The following AP3S1 variants were observed in gnomAD, a reference collection of about 807,000 sequenced individuals.
AP3S1 encodes AP-3 complex subunit sigma-1.
A neutral mutation model predicts 21.3 loss-of-function variants in AP3S1; 12 were observed. The observed-to-expected ratio is 0.56, with a 90% CI of 0.36 to 0.91. AP3S1 has a LOEUF of 0.91. Among genes scored for constraint, AP3S1 ranks in the 40% least tolerant of loss-of-function variants. The pLI, the probability that AP3S1 is intolerant of heterozygous loss-of-function variation, is 0.01. For missense variants in AP3S1, 116 were observed against 225.0 expected (o/e 0.52, Z 3.10); for synonymous variants, 48 against 78.4 (o/e 0.61, Z 2.05).
chr5:115,884,658 C>G (rs1448550952), intron 3 of AP3S1, among the ~76,000 whole-genome samples: 2 of 152,198 alleles, frequency 1.3e-5, no homozygotes, highest in Non-Finnish European at 2.9e-5. Flanking sequence ...GTTAAGTATT[C>G]TTACAATACC....
At chr5:115,899,338 A>G (rs1308982599) in intron 4 of AP3S1, among the ~76,000 whole-genome samples, 2 of 152,240 alleles carry the variant, frequency 1.3e-5, no homozygotes, top group East Asian at 3.8e-4. Flanking sequence ...GCCAATAGAA[A>G]GAAAGCACTG....
intron 3 of AP3S1, among the ~76,000 whole-genome samples, chr5:115,891,260 C>T (rs1447013528): frequency 1.3e-5 from 2 of 152,134 alleles, no homozygotes; most frequent in Admixed American, 1.3e-4. Context: ...TCTACTTCCA[C>T]AGTCACTCAG....
chr5:115,864,806 A>G (rs1763489236), intron 1 of AP3S1, among the ~76,000 whole-genome samples: 1 of 152,226 alleles, frequency 6.6e-6, no homozygotes, highest in African/African-American at 2.4e-5. Flanking sequence ...GATGGAGATG[A>G]GTGCTTCTGA....
intron 1 of AP3S1, among the ~76,000 whole-genome samples, chr5:115,850,346 A>G (rs1483711729): frequency 6.6e-6 from 1 of 152,232 alleles, no homozygotes; most frequent in Non-Finnish European, 1.5e-5. Flanking sequence ...TATAAAATAA[A>G]TTTTATTGTA....
chr5:115,845,874 A>AAAAAAAAAAAAAG (rs1762023843), intron 1 of AP3S1, among the ~76,000 whole-genome samples: 1 of 138,180 alleles, frequency 7.2e-6, no homozygotes, highest in African/African-American at 2.7e-5. Flanking sequence ...AAAAAAAAAA[A>AAAAAAAAAAAAAG]TTCAAGTCTG....
chr5:115,844,296 G>A (rs573973622), intron 1 of AP3S1, among the ~76,000 whole-genome samples: 1 of 152,076 alleles, frequency 6.6e-6, no homozygotes, highest in Non-Finnish European at 1.5e-5. Flanking sequence ...TCTTGTGTGA[G>A]GAACATAGCA....
intron 3 of AP3S1, among the ~76,000 whole-genome samples, chr5:115,886,041 G>A (rs1223394907): frequency 1.3e-5 from 2 of 152,104 alleles, no homozygotes; most frequent in African/African-American, 4.8e-5. Flanking sequence ...TGTTGTTGAT[G>A]TGGGTTCTGG....
chr5:115,866,270 C>G (rs1763609677), intron 1 of AP3S1, among the ~76,000 whole-genome samples: 1 of 152,178 alleles, frequency 6.6e-6, no homozygotes, highest in Non-Finnish European at 1.5e-5. Flanking sequence ...AGTTCTATTT[C>G]TTTCCTCCAT....
intron 3 of AP3S1, among the ~76,000 whole-genome samples, chr5:115,887,167 G>A (rs1362008597): frequency 6.6e-6 from 1 of 152,056 alleles, no homozygotes; most frequent in Non-Finnish European, 1.5e-5. Context: ...GTCTTCCCTA[G>A]CTCTGCTGGT....
At chr5:115,847,098 C>A (rs1489351752) in intron 1 of AP3S1, among the ~76,000 whole-genome samples, 1 of 152,206 alleles carries the variant, frequency 6.6e-6, no homozygotes, top group Non-Finnish European at 1.5e-5. Flanking sequence ...AAAGAGACAA[C>A]CATCTGTTTC....
At chr5:115,846,875 G>A (rs1453324704) in intron 1 of AP3S1, among the ~76,000 whole-genome samples, 2 of 152,160 alleles carry the variant, frequency 1.3e-5, no homozygotes, top group East Asian at 3.9e-4. Flanking sequence ...GCATAAATTG[G>A]GTTTTATGTA....
At chr5:115,851,907 T>C (rs956075893) in intron 1 of AP3S1, among the ~76,000 whole-genome samples, 1 of 152,214 alleles carries the variant, frequency 6.6e-6, no homozygotes, top group Admixed American at 6.5e-5. Flanking sequence ...TTAATTACTA[T>C]ATAATAGTAC....
At chr5:115,883,734 TA>T (rs1749516940) in intron 3 of AP3S1, among the ~76,000 whole-genome samples, 3 of 152,200 alleles carry the variant, frequency 2.0e-5, no homozygotes, top group Non-Finnish European at 2.9e-5. Flanking sequence ...TATTCAACTA[TA>T]GGTAGAAGAA....
intron 1 of AP3S1, among the ~76,000 whole-genome samples, chr5:115,861,173 T>G (rs565252354): frequency 7.9e-5 from 12 of 152,156 alleles, no homozygotes; most frequent in African/African-American, 2.6e-4. Flanking sequence ...TAATTGAGAG[T>G]CAGGAAAGAC....
intron 1 of AP3S1, among the ~76,000 whole-genome samples, chr5:115,850,695 C>T (rs1762378231): frequency 6.6e-6 from 1 of 152,096 alleles, no homozygotes; most frequent in Non-Finnish European, 1.5e-5. Context: ...TCAAAATTTC[C>T]GTAATTTTTA....
intron 1 of AP3S1, among the ~76,000 whole-genome samples, chr5:115,853,521 T>G (rs1224675686): frequency 6.6e-6 from 1 of 152,204 alleles, no homozygotes; most frequent in Non-Finnish European, 1.5e-5. Context: ...TGGTATCCTA[T>G]CTAAAAAATC....
At chr5:115,869,987 C>T in intron 2 of AP3S1, 30 bp from the exon 3 acceptor site, 1 of 1,385,606 alleles carries the variant, frequency 7.2e-7, no homozygotes, top group African/African-American at 1.5e-5. Flanking sequence ...ATTTTGTTTC[C>T]AATAACATTA....
At chr5:115,910,360 C>T (rs969627421) in intron 5 of AP3S1, among the ~76,000 whole-genome samples, 7 of 151,606 alleles carry the variant, frequency 4.6e-5, no homozygotes, top group Non-Finnish European at 8.8e-5. Flanking sequence ...CAGTTAACCA[C>T]GGGTAAATGA....
intron 1 of AP3S1, among the ~76,000 whole-genome samples, chr5:115,845,550 T>C (rs1761992689): frequency 6.6e-6 from 1 of 152,052 alleles, no homozygotes. Flanking sequence ...AATTCAAGTG[T>C]GGGCTGGGTG....
Sources: allele counts gnomAD v4.1 joint callset (sites outside exome capture counted in the v4.1 genomes callset), GRCh38; gene constraint gnomAD v4.1.1; transcripts MANE v1.5; gene names NCBI Gene and HGNC (gene_info 2026-07-23, HGNC 2026-07-21).